The following SDK1 variants were observed in gnomAD, a reference collection of about 807,000 sequenced individuals.
The protein encoded by SDK1 is sidekick cell adhesion molecule 1.
In SDK1, 157 loss-of-function variants were observed where a neutral mutation model predicts 245.5. The ratio of observed to expected loss-of-function variants is 0.64; its 90% CI spans 0.56 to 0.73. The LOEUF is 0.73. Ranked by LOEUF, SDK1 falls within the 30% of genes least tolerant of loss-of-function variation. The pLI is 0.00. For synonymous variants in SDK1, 1,647 were observed against 1,278.5 expected, an observed-to-expected ratio of 1.29 and a Z score of -6.15; for missense variants, 3,583 against 3,002.3, an observed-to-expected ratio of 1.19 and a Z score of -4.52.
At position 3,419,928 on chromosome 7, in the gene SDK1, G is replaced by A. The variant is rs186437736; in HGVS notation, c.298+118044G>A. Reference sequence around the variant, plus strand: ...ATAAATAAGTAAAATTGGAAAATACGCAAAGCCGTTAGAGATGTACCAGTG... The same window carrying A: ...ATAAATAAGTAAAATTGGAAAATACACAAAGCCGTTAGAGATGTACCAGTG... On this transcript the variant is annotated intron_variant, in intron 1 of 44. Coordinates refer to ENST00000404826, the MANE Select transcript of SDK1 (RefSeq NM_152744.4). Among the ~76,000 whole-genome samples the A allele has an allele frequency of 4.1e-3, 628 of 152,248 alleles. 8 individuals are homozygous for A. The highest frequency in any genetic ancestry group is 0.018 in the South Asian group (88 of 4,820).
intron 14 of SDK1, among the ~76,000 whole-genome samples, chr7:3,992,139 C>T (rs932973663): frequency 1.3e-5 from 2 of 152,216 alleles, no homozygotes; most frequent in Non-Finnish European, 2.9e-5. Flanking sequence ...CCTGCAGGGG[C>T]CAAACCCACA....
chr7:3,911,887 G>T (rs918343176), intron 5 of SDK1, among the ~76,000 whole-genome samples: 5 of 152,156 alleles, frequency 3.3e-5, no homozygotes, highest in African/African-American at 9.7e-5. Context: ...TGTGACCTGA[G>T]GGAGCTGGAT....
At chr7:3,572,840 A>G (rs1273591181) in intron 1 of SDK1, among the ~76,000 whole-genome samples, 3 of 152,094 alleles carry the variant, frequency 2.0e-5, no homozygotes, top group African/African-American at 4.8e-5. Flanking sequence ...AGAGGGTGCT[A>G]TTGAAATGTA....
At chr7:3,846,295 C>T (rs1456838395) in intron 5 of SDK1, among the ~76,000 whole-genome samples, 1 of 152,188 alleles carries the variant, frequency 6.6e-6, no homozygotes, top group Non-Finnish European at 1.5e-5. Flanking sequence ...TAAAGATTTC[C>T]TATAAATTAT....
At chr7:3,833,333 C>T (rs1333240814) in intron 5 of SDK1, among the ~76,000 whole-genome samples, 3 of 152,130 alleles carry the variant, frequency 2.0e-5, no homozygotes, top group African/African-American at 7.2e-5. Flanking sequence ...CTGACATTAA[C>T]GGCCATGTCT....
chr7:4,070,243 A>T (rs1780162785), intron 20 of SDK1, among the ~76,000 whole-genome samples: 1 of 152,200 alleles, frequency 6.6e-6, no homozygotes, highest in African/African-American at 2.4e-5. Context: ...GGGACTGCCC[A>T]CCTTCTCAGA....
chr7:3,365,187 T>TG (rs1178530132), intron 1 of SDK1, among the ~76,000 whole-genome samples: 1 of 152,188 alleles, frequency 6.6e-6, no homozygotes, highest in Non-Finnish European at 1.5e-5. Context: ...AAAAGTAAAT[T>TG]GGAGTGCCTC....
At position 3,583,429 on chromosome 7, in the gene SDK1, G is replaced by A. The variant is rs1583194197; in HGVS notation, c.299-35651G>A. On this transcript the variant is annotated intron_variant, in intron 1 of 44. Transcript: ENST00000404826. ...TCAGCTTCTGTTTGGAACAGTATTA[G>A]AACACAAGGAGAGTCAGTAAACCAT... 5.9e-5 allele frequency among the ~76,000 whole-genome samples: 9 copies of A among 152,254 alleles called. 2 individuals are homozygous for A. In the South Asian group the frequency reaches 1.9e-3, roughly 32 times the overall value.
chr7:3,900,538 T>C (rs542474075), intron 5 of SDK1, among the ~76,000 whole-genome samples: 28 of 152,290 alleles, frequency 1.8e-4, no homozygotes, highest in African/African-American at 6.7e-4. Context: ...TTATAGAATT[T>C]CTCCTTCAGA....
intron 4 of SDK1, among the ~76,000 whole-genome samples, chr7:3,721,508 C>T (rs1031038007): frequency 1.3e-5 from 2 of 152,172 alleles, no homozygotes; most frequent in Non-Finnish European, 2.9e-5. Flanking sequence ...CACAGTACAG[C>T]GTAGGCTTCT....
chr7:3,990,963 C>T (rs775221703), intron 14 of SDK1, among the ~76,000 whole-genome samples: 7 of 152,352 alleles, frequency 4.6e-5, no homozygotes, highest in South Asian at 2.1e-4. Flanking sequence ...CCTGTTACAG[C>T]GGTGAAGCCA....
intron 2 of SDK1, among the ~76,000 whole-genome samples, chr7:3,636,265 T>C (rs1782454942): frequency 6.6e-6 from 1 of 152,160 alleles, no homozygotes; most frequent in African/African-American, 2.4e-5. Flanking sequence ...TTAAAATATG[T>C]GATACAGTAT....
At chr7:3,540,285 T>C (rs1779016701) in intron 1 of SDK1, among the ~76,000 whole-genome samples, 1 of 152,242 alleles carries the variant, frequency 6.6e-6, no homozygotes, top group South Asian at 2.1e-4. Flanking sequence ...CAGTCGCCTG[T>C]AATCTCAGCT....
chr7:3,530,977 A>G lies in SDK1; in HGVS notation c.299-88103A>G, dbSNP rs150210657. ...AGTTGATAACGTCTGTTGAATTTTC[A>G]TTGATTTGGAAATGATGTGGCTTGT... On this transcript the variant is annotated intron_variant, in intron 1 of 44. Coordinates refer to ENST00000404826, the MANE Select transcript of SDK1 (RefSeq NM_152744.4). Among the ~76,000 whole-genome samples the G allele has an allele frequency of 2.7e-3, 404 of 152,326 alleles. 2 individuals carry two copies. The highest frequency in any genetic ancestry group is 9.2e-3 in the African/African-American group (383 of 41,574).
chr7:3,330,537 G>A (rs1780041168), intron 1 of SDK1, among the ~76,000 whole-genome samples: 1 of 152,084 alleles, frequency 6.6e-6, no homozygotes, highest in Admixed American at 6.5e-5. Context: ...GCACTGACAT[G>A]CATGTGTTTG....
At chr7:4,012,351 C>A in intron 16 of SDK1, 116 bp downstream of exon 16, 4 of 1,156,870 alleles carry the variant, frequency 3.5e-6, no homozygotes, top group Non-Finnish European at 4.6e-6. Flanking sequence ...AGGAGTCAGG[C>A]CAGGTGTGAG....
intron 44 of SDK1, among the ~76,000 whole-genome samples, chr7:4,262,004 C>T (rs538733885): frequency 6.7e-6 from 1 of 148,344 alleles, no homozygotes; most frequent in South Asian, 2.2e-4. Context: ...ATCAATTTCA[C>T]CCTCTGCTTT....
chr7:4,182,869 C>G (rs939075448), intron 35 of SDK1, among the ~76,000 whole-genome samples: 1 of 152,180 alleles, frequency 6.6e-6, no homozygotes. Context: ...GGGAATGTAA[C>G]CGCCCAGCAG....
rs1778928303 is a variant in SDK1, at chr7:3,723,970, AGAGAG to A, written c.713+81866_713+81870del. ...GAGAGAGAGAGAGAGAGAGAGAGAG[AGAGAG>A]AGAAAGAGAGAGAGAGTCTCACCTG... On this transcript the variant is annotated intron_variant, in intron 4 of 44. Coordinates refer to ENST00000404826, the MANE Select transcript of SDK1 (RefSeq NM_152744.4). Among the ~76,000 whole-genome samples the A allele has an allele frequency of 3.3e-5, 5 of 149,734 alleles. 1 individual carries two copies. Among genetic ancestry groups the A allele is most frequent in the African/African-American group, 1.2e-4 (5 of 40,942 alleles).
Sources: allele counts gnomAD v4.1 joint callset (sites outside exome capture counted in the v4.1 genomes callset), GRCh38; gene constraint gnomAD v4.1.1; transcripts MANE v1.5; gene names NCBI Gene and HGNC (gene_info 2026-07-23, HGNC 2026-07-21).